ZNF185: variants seen among roughly 807,000 people sequenced by gnomAD.
ZNF185 encodes the protein zinc finger protein 185 with LIM domain.
Under a neutral mutation model 58.6 loss-of-function variants are expected in ZNF185, and 56 were observed. The observed-to-expected ratio is 0.95, with a 90% confidence interval of 0.77 to 1.19. ZNF185 has a LOEUF of 1.19. Ranked by LOEUF, ZNF185 falls within the 50% of genes most tolerant of loss-of-function variation. ZNF185 has a pLI of 0.00. For synonymous variants in ZNF185, 230 were observed against 215.9 expected (o/e 1.07, Z -0.57); for missense variants, 627 against 573.5 (o/e 1.09, Z -0.95).
intron 14 of ZNF185, among the ~76,000 whole-genome samples, chrX:152,934,492 C>G (rs1446637281): frequency 1.8e-5 from 2 of 112,177 alleles, no homozygotes; most frequent in Non-Finnish European, 3.8e-5. Context: ...AATTTTAACC[C>G]AGTCTTTTAC....
intron 11 of ZNF185, among the ~76,000 whole-genome samples, chrX:152,927,240 C>T (rs1251981064): frequency 8.9e-6 from 1 of 112,515 alleles, no homozygotes. Flanking sequence ...GTCGTTATCA[C>T]GAGAGGAGAT....
chrX:152,969,564 G>T, intron 21 of ZNF185, 80 bp downstream of exon 23: 1 of 739,080 alleles, frequency 1.4e-6, no homozygotes, highest in South Asian at 2.4e-5. Flanking sequence ...GTAGAGTGCG[G>T]GAGTCTTACG....
At chrX:152,942,922 G>A (rs1428142127) in intron 15 of ZNF185, among the ~76,000 whole-genome samples, 1 of 111,514 alleles carries the variant, frequency 9.0e-6, no homozygotes, top group Non-Finnish European at 1.9e-5. Context: ...CGTGGGCAAC[G>A]TAGTGAGACC....
At chrX:152,926,775 G>A (rs1445725074) in intron 11 of ZNF185, among the ~76,000 whole-genome samples, 1 of 112,214 alleles carries the variant, frequency 8.9e-6, no homozygotes, top group East Asian at 2.8e-4. Flanking sequence ...GCTGTAACAA[G>A]GTACCAGAAA....
At chrX:152,932,103 A>G (rs1171889349) in intron 13 of ZNF185, among the ~76,000 whole-genome samples, 1 of 112,378 alleles carries the variant, frequency 8.9e-6, no homozygotes, top group Admixed American at 9.4e-5. Context: ...CATTCCCCTG[A>G]AGCTTCCACA....
At chrX:152,931,017 G>A (rs782789275) in intron 12 of ZNF185, among the ~76,000 whole-genome samples, 20 of 111,351 alleles carry the variant, frequency 1.8e-4, no homozygotes, top group South Asian at 3.8e-4. Context: ...GTGTGCCTCC[G>A]TTTGCTCATC....
At chrX:152,937,602 C>G (rs1051938081) in intron 14 of ZNF185, among the ~76,000 whole-genome samples, 13 of 111,954 alleles carry the variant, frequency 1.2e-4, no homozygotes, top group African/African-American at 4.2e-4. Flanking sequence ...GACATGTCCC[C>G]CATACACAGC....
At chrX:152,916,930 G>T (rs868933315) in intron 3 of ZNF185, among the ~76,000 whole-genome samples, 4 of 112,782 alleles carry the variant, frequency 3.5e-5, no homozygotes, top group African/African-American at 1.3e-4. Context: ...TTTCCTGGGG[G>T]AGCATGAGGG....
intron 7 of ZNF185, among the ~76,000 whole-genome samples, chrX:152,919,520 G>A (rs1397174311): frequency 1.4e-4 from 16 of 111,409 alleles, no homozygotes; most frequent in African/African-American, 4.6e-4. Context: ...ACAGCAGTGG[G>A]AGTGTGCCCC....
intron 12 of ZNF185, 54 bp downstream of exon 13, chrX:152,928,715 A>C: frequency 2.6e-6 from 3 of 1,144,327 alleles, no homozygotes. Flanking sequence ...TAGAGATGGA[A>C]GCAGCAGCCT....
chrX:152,940,439 G>T (rs5969928), intron 15 of ZNF185, among the ~76,000 whole-genome samples: 1,499 of 84,629 alleles, frequency 0.018, 43 homozygotes, highest in African/African-American at 0.06. Flanking sequence ...GGGGGTGGGG[G>T]TGGGGTTCCA....
the ZNF185 span, among the ~76,000 whole-genome samples, chrX:152,898,602 C>T: frequency 2.7e-5 from 3 of 112,376 alleles, no homozygotes; most frequent in Non-Finnish European, 5.6e-5. Context: ...TCTCATATCC[C>T]TCCGTCCCCC....
the ZNF185 span, among the ~76,000 whole-genome samples, chrX:152,899,896 G>A: frequency 9.0e-6 from 1 of 111,690 alleles, no homozygotes; most frequent in African/African-American, 3.3e-5. Flanking sequence ...ACCACTTCTT[G>A]CTGAGCTCCT....
chrX:152,901,281 A>G, the ZNF185 span, among the ~76,000 whole-genome samples: 1 of 97,520 alleles, frequency 1.0e-5, no homozygotes, highest in Non-Finnish European at 2.0e-5. Flanking sequence ...TCGCCTTGTC[A>G]CCCAGGCTGG....
rs147445394 is a variant in ZNF185 at position 152,943,892 on chromosome X, A to G, written c.1212-1375A>G. Among the ~76,000 whole-genome samples the G allele has an allele frequency of 7.8e-3, 881 of 113,203 alleles. 7 individuals carry two copies. Among genetic ancestry groups the G allele is most frequent in the Non-Finnish European group, 0.013 (669 of 53,409 alleles). On this transcript the variant is annotated intron_variant, in intron 15 of 22. Transcript: ENST00000449285. Reference sequence around the variant, plus strand: ...GCCTTGTATGTTTGTCTTTGGCTCAAGCAAGCATGTCACTGACAGAGATTG... The same window carrying G: ...GCCTTGTATGTTTGTCTTTGGCTCAGGCAAGCATGTCACTGACAGAGATTG...
chrX:152,956,940 A>G (rs1205076320), intron 16 of ZNF185, among the ~76,000 whole-genome samples: 2 of 112,230 alleles, frequency 1.8e-5, no homozygotes, highest in Non-Finnish European at 3.8e-5. Context: ...ACCCTTTACA[A>G]TTTTTGTTGA....
Sources: allele counts gnomAD v4.1 joint callset (sites outside exome capture counted in the v4.1 genomes callset), GRCh38; gene constraint gnomAD v4.1.1; transcripts MANE v1.5; gene names NCBI Gene and HGNC (gene_info 2026-07-23, HGNC 2026-07-21).